Variants in CTNNA2 observed in about 807,000 individuals in gnomAD.
The protein encoded by CTNNA2 is catenin alpha 2, also known as catenin alpha-2.
Under a neutral mutation model 101.0 loss-of-function variants are expected in CTNNA2, and 42 were observed. The observed-to-expected ratio is 0.42, with a 90% CI of 0.32 to 0.54. The LOEUF (loss-of-function observed/expected upper bound fraction) is 0.54. Among genes scored for constraint, CTNNA2 ranks in the 20% least tolerant of loss-of-function variants. CTNNA2 has a pLI of 0.14. For synonymous variants in CTNNA2, 450 were observed against 456.4 expected (o/e 0.99, Z 0.18); for missense variants, 871 against 1,223.1 (o/e 0.71, Z 4.29).
At chr2:80,261,339 C>A (rs1326346082) in intron 7 of CTNNA2, among the ~76,000 whole-genome samples, 1 of 151,872 alleles carries the variant, frequency 6.6e-6, no homozygotes, top group Admixed American at 6.6e-5. Flanking sequence ...TACAGAACCC[C>A]GTAAAAGTTT....
intron 7 of CTNNA2, among the ~76,000 whole-genome samples, chr2:80,340,223 A>G (rs12465382): frequency 0.081 from 12,388 of 152,232 alleles, 1,015 homozygotes; most frequent in African/African-American, 0.21. Flanking sequence ...TTATGTCAGT[A>G]CAGCCAGTAA....
At chr2:79,415,439 G>C (rs1205618520) in intron 4 of CTNNA2, among the ~76,000 whole-genome samples, 1 of 152,102 alleles carries the variant, frequency 6.6e-6, no homozygotes, top group African/African-American at 2.4e-5. Flanking sequence ...TCTTTATAGT[G>C]ATGCAAGAAT....
chr2:80,606,414 C>CCCA (rs1558638324), intron 16 of CTNNA2, among the ~76,000 whole-genome samples: 1,919 of 51,486 alleles, frequency 0.037, 26 homozygotes, highest in East Asian at 0.095. Context: ...ACACACACAC[C>CCCA]CCCCAGGATA....
intron 1 of CTNNA2, among the ~76,000 whole-genome samples, chr2:79,535,011 T>C (rs1256207933): frequency 2.0e-5 from 3 of 151,928 alleles, no homozygotes; most frequent in Admixed American, 2.0e-4. Context: ...AATTTAAAAG[T>C]AAACAACTGA....
At chr2:79,918,107 GAACA>G (rs1686391199) in intron 7 of CTNNA2, among the ~76,000 whole-genome samples, 1 of 151,972 alleles carries the variant, frequency 6.6e-6, no homozygotes, top group South Asian at 2.1e-4. Flanking sequence ...AAACAGTATT[GAACA>G]ATCAATACTT....
intron 3 of CTNNA2, among the ~76,000 whole-genome samples, chr2:79,352,231 G>A (rs1438154830): frequency 6.6e-6 from 1 of 151,288 alleles, no homozygotes; most frequent in Non-Finnish European, 1.5e-5. Flanking sequence ...TTTTCTGGTT[G>A]GTAGGTTTTT....
At position 79,521,196 on chromosome 2, in the gene CTNNA2, G is replaced by T. The variant is rs147782445; in HGVS notation, c.-6+7989G>T. 3.3e-3 allele frequency among the ~76,000 whole-genome samples: 468 copies of T among 139,848 alleles called. 1 individual carries two copies. The highest frequency in any genetic ancestry group is 0.011 in the African/African-American group (403 of 37,038). 91.7% of individuals were successfully genotyped at this position (139,848 alleles called of 152,430 possible). On this transcript the variant is annotated intron_variant, in intron 1 of 18. Transcript: ENST00000402739. The stretch of plus-strand genomic sequence containing the variant: ...TTTTAAGGTGCGCTATTTAATATAT[G>T]TTACCTGGCAGCAGAGGAAGGGGAA...
At chr2:79,419,973 C>T (rs568641245) in intron 4 of CTNNA2, among the ~76,000 whole-genome samples, 1 of 152,262 alleles carries the variant, frequency 6.6e-6, no homozygotes, top group African/African-American at 2.4e-5. Context: ...TCATCTTGAA[C>T]TCTGACTTGA....
chr2:80,406,344 A>C (rs1391634691), intron 8 of CTNNA2, among the ~76,000 whole-genome samples: 2 of 151,970 alleles, frequency 1.3e-5, no homozygotes, highest in African/African-American at 4.8e-5. Context: ...CGAAAAAAAA[A>C]AAAAAATGCA....
intron 7 of CTNNA2, among the ~76,000 whole-genome samples, chr2:80,277,882 G>A (rs1396395464): frequency 6.6e-6 from 1 of 152,122 alleles, no homozygotes; most frequent in Non-Finnish European, 1.5e-5. Flanking sequence ...TACTAGAAGA[G>A]TGAGAGTTTA....
At chr2:79,751,548 A>AT (rs1672037100) in intron 3 of CTNNA2, among the ~76,000 whole-genome samples, 1 of 141,088 alleles carries the variant, frequency 7.1e-6, no homozygotes, top group African/African-American at 2.6e-5. Flanking sequence ...GTGAGGCAAG[A>AT]TTGTGCCACT....
rs963771607 is a variant in CTNNA2 at position 79,401,251 on chromosome 2, C to T, written c.-135+27238C>T. On this transcript the variant is annotated intron_variant, in intron 4 of 21. Coordinates refer to the CTNNA2 transcript ENST00000466387. ...ATCTCATGTACCCCATAAATATATA[C>T]ACTTACAGTATACCCACAAATTTGT... Among the ~76,000 whole-genome samples, 5 of 151,660 alleles carry T rather than the reference C, an allele frequency of 3.3e-5. No homozygotes were observed. In the East Asian group the frequency reaches 7.8e-4, roughly 24 times the overall value.
intron 2 of CTNNA2, among the ~76,000 whole-genome samples, chr2:79,291,980 C>T (rs1269461044): frequency 6.6e-6 from 1 of 151,948 alleles, no homozygotes; most frequent in Admixed American, 6.6e-5. Context: ...TGGAGCAATA[C>T]TTCAGATACC....
chr2:79,874,419 G>A, intron 6 of CTNNA2, 77 bp downstream of exon 6: 6 of 1,351,276 alleles, frequency 4.4e-6, no homozygotes, highest in Non-Finnish European at 6.2e-6. Context: ...AGGATGAAGG[G>A]CCACTACAAT....
At chr2:79,799,204 C>T (rs1675963451) in intron 3 of CTNNA2, among the ~76,000 whole-genome samples, 1 of 151,560 alleles carries the variant, frequency 6.6e-6, no homozygotes, top group South Asian at 2.1e-4. Flanking sequence ...TAATCTCTGC[C>T]AGCCTCATTC....
intron 11 of CTNNA2, among the ~76,000 whole-genome samples, chr2:80,555,171 T>C (rs188241944): frequency 1.3e-5 from 2 of 152,326 alleles, no homozygotes; most frequent in East Asian, 1.9e-4. Flanking sequence ...TTATTTTTCC[T>C]CAAATGTTTT....
chr2:79,368,460 A>C (rs935907922), intron 3 of CTNNA2, among the ~76,000 whole-genome samples: 7 of 152,176 alleles, frequency 4.6e-5, no homozygotes, highest in African/African-American at 1.7e-4. Context: ...TCTTCCCGGC[A>C]TTTCACCATG....
chr2:79,981,552 G>C (rs1421004559), intron 7 of CTNNA2, among the ~76,000 whole-genome samples: 1 of 152,128 alleles, frequency 6.6e-6, no homozygotes. Context: ...AACAGAGTCT[G>C]CTTATTACAG....
chr2:80,114,454 C>CT (rs1211126812), intron 7 of CTNNA2, among the ~76,000 whole-genome samples: 1 of 152,216 alleles, frequency 6.6e-6, no homozygotes, highest in African/African-American at 2.4e-5. Flanking sequence ...TTACTCTAAG[C>CT]TTTTTACCCA....
Sources: gnomAD v4.1 joint callset for allele counts (sites outside exome capture counted in the v4.1 genomes callset) on GRCh38, gnomAD v4.1.1 for gene constraint, MANE v1.5 for transcripts, NCBI Gene and HGNC (gene_info 2026-07-23, HGNC 2026-07-21) for gene names.